Variants in MYO1D observed in about 807,000 individuals in gnomAD.
The protein encoded by MYO1D is unconventional myosin-Id.
In MYO1D, 83 loss-of-function variants were observed where a neutral mutation model predicts 122.0. The observed-to-expected ratio is 0.68, with a 90% CI of 0.57 to 0.82. MYO1D has a LOEUF of 0.82. Ranked by LOEUF, MYO1D falls within the 40% of genes least tolerant of loss-of-function variation. MYO1D has a pLI of 0.00. For missense variants in MYO1D, 1,157 were observed against 1,269.5 expected (o/e 0.91, Z 1.35); for synonymous variants, 464 against 446.9 (o/e 1.04, Z -0.48).
At chr17:32,806,085 T>C (rs573998498) in intron 1 of MYO1D, among the ~76,000 whole-genome samples, 210 of 152,240 alleles carry the variant, frequency 1.4e-3, no homozygotes, top group Non-Finnish European at 2.5e-3. Context: ...GGTGAAACCC[T>C]GTCTCTACCA....
chr17:32,494,738 G>A lies in MYO1D; in HGVS notation c.*21C>T, dbSNP rs140045084. On this transcript the variant is annotated 3_prime_UTR_variant, in exon 22 of 22. Transcript: ENST00000318217. Reference sequence around the variant, plus strand: ...AGGACTCGGAGTGTGGCCGGGCTCCGGGCCAGGCCTCCGCGGGGCGTCAGT... The same window carrying A: ...AGGACTCGGAGTGTGGCCGGGCTCCAGGCCAGGCCTCCGCGGGGCGTCAGT... The A allele has an allele frequency of 2.0e-4, 308 of 1,574,540 alleles. No homozygotes were observed. The African/African-American group carries it at 3.5e-3, about 18-fold the overall frequency.
At chr17:32,556,926 T>G (rs919220312) in intron 21 of MYO1D, among the ~76,000 whole-genome samples, 3 of 152,098 alleles carry the variant, frequency 2.0e-5, no homozygotes, top group African/African-American at 7.2e-5. Context: ...GTTTGTTTCC[T>G]TTACAATGTG....
intron 1 of MYO1D, among the ~76,000 whole-genome samples, chr17:32,842,886 C>CTTTTTTTTTTTTTTTTTTTTTTTT (rs34927176): frequency 1.9e-5 from 2 of 104,458 alleles, no homozygotes; most frequent in African/African-American, 3.7e-5. Flanking sequence ...CTATTTCTTT[C>CTTTTTTTTTTTTTTTTTTTTTTTT]TTTTTTTTTT....
intron 21 of MYO1D, among the ~76,000 whole-genome samples, chr17:32,550,798 C>A (rs1048357731): frequency 5.9e-5 from 9 of 152,094 alleles, no homozygotes; most frequent in African/African-American, 2.2e-4. Context: ...GAGTTGGAGA[C>A]CAGCCTGGGT....
chr17:32,789,786 T>C (rs2090332019), intron 1 of MYO1D, among the ~76,000 whole-genome samples: 1 of 152,174 alleles, frequency 6.6e-6, no homozygotes, highest in Non-Finnish European at 1.5e-5. Context: ...AAGCCAAGGA[T>C]TGACGACCAC....
chr17:32,733,700 C>T (rs1400571796), intron 14 of MYO1D, among the ~76,000 whole-genome samples: 1 of 152,192 alleles, frequency 6.6e-6, no homozygotes, highest in Non-Finnish European at 1.5e-5. Context: ...CACACTTCAA[C>T]AAATCCCCAC....
intron 1 of MYO1D, among the ~76,000 whole-genome samples, chr17:32,800,104 C>T (rs2090448275): frequency 6.6e-6 from 1 of 152,108 alleles, no homozygotes; most frequent in Non-Finnish European, 1.5e-5. Flanking sequence ...ATAAATTATA[C>T]AGCCATTTTG....
At chr17:32,540,651 C>T (rs1033354420) in intron 21 of MYO1D, among the ~76,000 whole-genome samples, 2 of 152,020 alleles carry the variant, frequency 1.3e-5, no homozygotes, top group Admixed American at 1.3e-4. Context: ...AATGGCCATG[C>T]ATGGTGGCTC....
chr17:32,749,009 A>G lies in MYO1D; in HGVS notation c.1468-3T>C, dbSNP rs1355228833. 6.2e-7 allele frequency: 1 copy of G among 1,610,536 alleles called. No homozygotes were observed. On this transcript the variant is annotated splice_polypyrimidine_tract_variant and splice_region_variant and intron_variant, in intron 11 of 21. Transcript: ENST00000318217. ...AGAATTTTGTCTGAGGCACAGAGCTAAGGAATCAAGAAGGATATTATTTTG... is the reference window on the plus strand; with the variant it reads ...AGAATTTTGTCTGAGGCACAGAGCTGAGGAATCAAGAAGGATATTATTTTG...
At chr17:32,822,403 C>A (rs2090674863) in intron 1 of MYO1D, among the ~76,000 whole-genome samples, 1 of 151,224 alleles carries the variant, frequency 6.6e-6, no homozygotes, top group Non-Finnish European at 1.5e-5. Context: ...AGGGATAACG[C>A]GTCCAGCGCC....
chr17:32,865,189 T>G (rs1343511605), intron 1 of MYO1D, among the ~76,000 whole-genome samples: 4 of 152,214 alleles, frequency 2.6e-5, no homozygotes, highest in East Asian at 3.8e-4. Flanking sequence ...TCATGGGATT[T>G]GACTTTTAAT....
rs534357741 is a variant in MYO1D, at chr17:32,682,200, T to C, written c.2122-22862A>G. On this transcript the variant is annotated intron_variant, in intron 16 of 21. Transcript: ENST00000318217. ...AGCACACTGATGGGTCTTGACTCTTTATCCAATTTGCCAGTCTGTGTCTTT... is the reference window on the plus strand; with the variant it reads ...AGCACACTGATGGGTCTTGACTCTTCATCCAATTTGCCAGTCTGTGTCTTT... Among the ~76,000 whole-genome samples the C allele has an allele frequency of 9.4e-5, 14 of 149,018 alleles. No individual in the cohort carries two copies. The East Asian group carries it at 2.8e-3, about 30-fold the overall frequency.
intron 16 of MYO1D, 175 bp from the exon 17 acceptor site, chr17:32,659,513 G>A: frequency 1.6e-6 from 1 of 620,360 alleles, no homozygotes. Context: ...GATGGCGTGG[G>A]GAGTCACATC....
rs201712468 is a variant in MYO1D, at chr17:32,524,155, AAGCAT to A, written c.2865-29245_2865-29241del. 9.3e-3 allele frequency among the ~76,000 whole-genome samples: 1,413 copies of A among 152,336 alleles called. 4 individuals carry two copies. Among genetic ancestry groups the A allele is most frequent in the Non-Finnish European group, 0.013 (886 of 68,026 alleles). On this transcript the variant is annotated intron_variant, in intron 21 of 21. Coordinates refer to ENST00000318217, the MANE Select transcript of MYO1D (RefSeq NM_015194.3). ...TGTTGGTGCTTTTCTATGTTTGGGAAAGCATATCTGTTTTCTCTGGGGCTGAATGA... is the reference window on the plus strand; with the variant it reads ...TGTTGGTGCTTTTCTATGTTTGGGAAATCTGTTTTCTCTGGGGCTGAATGA...
intron 1 of MYO1D, among the ~76,000 whole-genome samples, chr17:32,818,573 A>G (rs142180196): frequency 6.6e-6 from 1 of 152,350 alleles, no homozygotes; most frequent in East Asian, 1.9e-4. Flanking sequence ...TGGGGGAAAT[A>G]AAGTGAAAGC....
intron 21 of MYO1D, among the ~76,000 whole-genome samples, chr17:32,545,925 C>G (rs113516287): frequency 6.6e-6 from 1 of 151,808 alleles, no homozygotes; most frequent in Non-Finnish European, 1.5e-5. Context: ...ACTTGGGGTA[C>G]TTGGGAGTAT....
At chr17:32,731,067 T>C (rs1472604391) in intron 14 of MYO1D, among the ~76,000 whole-genome samples, 2 of 152,114 alleles carry the variant, frequency 1.3e-5, no homozygotes, top group Non-Finnish European at 2.9e-5. Context: ...CCACCACACC[T>C]GGCTAATTTT....
intron 19 of MYO1D, among the ~76,000 whole-genome samples, chr17:32,653,607 CAAAAA>C (rs35172819): frequency 3.0e-5 from 3 of 99,974 alleles, no homozygotes; most frequent in Admixed American, 2.2e-4. Context: ...ACTCCGTCTC[CAAAAA>C]AAAAAAAAAA....
Position 32,494,588 on chromosome 17 carries a change from G to A in MYO1D, c.*171C>T. Reference sequence around the variant, plus strand: ...GGGACCGTGGACAGTAAGGACAGAGGAAGATGATACCAAAGGCAGAAAACC... The same window carrying A: ...GGGACCGTGGACAGTAAGGACAGAGAAAGATGATACCAAAGGCAGAAAACC... On this transcript the variant is annotated 3_prime_UTR_variant, in exon 22 of 22. Coordinates refer to ENST00000318217, the MANE Select transcript of MYO1D (RefSeq NM_015194.3). The A allele has an allele frequency of 1.3e-6, 1 of 793,538 alleles. No individual in the cohort carries two copies. Among genetic ancestry groups the A allele is most frequent in the South Asian group, 1.8e-5 (1 of 54,578 alleles). The allele number at this position is 793,538 out of a possible 1,614,324, so 49.2% of individuals were successfully genotyped here. A position where few individuals can be genotyped will look rare whatever the true frequency, so the allele number is the denominator to read the frequency against.
Sources: allele counts gnomAD v4.1 joint callset (sites outside exome capture counted in the v4.1 genomes callset), GRCh38; gene constraint gnomAD v4.1.1; transcripts MANE v1.5; gene names NCBI Gene and HGNC (gene_info 2026-07-23, HGNC 2026-07-21).